CADM2: variants seen among roughly 807,000 people sequenced by gnomAD.
The protein encoded by CADM2 is cell adhesion molecule 2, also known as immunoglobulin superfamily member 4D.
In CADM2, 12 loss-of-function variants were observed where a neutral mutation model predicts 49.8. The ratio of observed to expected loss-of-function variants is 0.24; its 90% CI spans 0.15 to 0.39. The LOEUF (loss-of-function observed/expected upper bound fraction) is 0.39. CADM2 is among the 10% of genes least tolerant of loss of function. The pLI is 1.00. For synonymous variants in CADM2, 214 were observed against 175.4 expected (o/e 1.22, Z -1.74); for missense variants, 378 against 492.3 (o/e 0.77, Z 2.20).
rs549274620 is a variant in CADM2, at chr3:85,661,030, G to C, written c.62-65492G>C. Among the ~76,000 whole-genome samples the C allele has an allele frequency of 8.8e-4, 134 of 152,164 alleles. 2 individuals carry two copies. The highest frequency in any genetic ancestry group is 1.9e-3 in the South Asian group (9 of 4,822). On this transcript the variant is annotated intron_variant, in intron 1 of 9. Coordinates refer to ENST00000383699, the MANE Select transcript of CADM2 (RefSeq NM_001167675.2). ...GGTTAAATGAGATTTTAAGAATTCA[G>C]CTTTTTGGAGGAAGGCATTGAATTG...
intron 1 of CADM2, among the ~76,000 whole-genome samples, chr3:85,561,585 G>T (rs1455938041): frequency 6.6e-6 from 1 of 152,050 alleles, no homozygotes; most frequent in East Asian, 1.9e-4. Flanking sequence ...ATCTTCCATG[G>T]TAATAGGACA....
chr3:85,754,805 A>T (rs2069030680), intron 2 of CADM2, among the ~76,000 whole-genome samples: 1 of 152,210 alleles, frequency 6.6e-6, no homozygotes, highest in Non-Finnish European at 1.5e-5. Context: ...AAAGAAACTA[A>T]CATTTTAACA....
intron 2 of CADM2, among the ~76,000 whole-genome samples, chr3:85,769,577 A>T (rs932870439): frequency 8.2e-6 from 1 of 122,060 alleles, no homozygotes; most frequent in Non-Finnish European, 1.6e-5. Flanking sequence ...GTATATACAT[A>T]TATACATATA....
chr3:85,324,429 T>C (rs2044695239), intron 1 of CADM2, among the ~76,000 whole-genome samples: 1 of 152,150 alleles, frequency 6.6e-6, no homozygotes, highest in Non-Finnish European at 1.5e-5. Context: ...TATACTCCTA[T>C]TGAATTTTAA....
chr3:85,136,378 C>A (rs1188945087), intron 1 of CADM2, among the ~76,000 whole-genome samples: 1 of 151,348 alleles, frequency 6.6e-6, no homozygotes, highest in Non-Finnish European at 1.5e-5. Flanking sequence ...TTCTCTCTAT[C>A]CATTCCACCT....
intron 1 of CADM2, among the ~76,000 whole-genome samples, chr3:85,433,201 A>G (rs1051490423): frequency 6.6e-6 from 1 of 152,122 alleles, no homozygotes; most frequent in Non-Finnish European, 1.5e-5. Context: ...AGAATATGAC[A>G]TTAAAATAAC....
At chr3:85,385,489 G>A (rs1375409431) in intron 1 of CADM2, among the ~76,000 whole-genome samples, 1 of 151,844 alleles carries the variant, frequency 6.6e-6, no homozygotes, top group Non-Finnish European at 1.5e-5. Context: ...GATATGTTTT[G>A]GTAAATAACT....
chr3:85,311,241 A>T (rs1354469304), intron 1 of CADM2, among the ~76,000 whole-genome samples: 4 of 152,096 alleles, frequency 2.6e-5, no homozygotes, highest in Non-Finnish European at 5.9e-5. Flanking sequence ...CATTAGCTAG[A>T]TCTTAATTTA....
At chr3:86,044,653 C>T (rs1295186626) in intron 8 of CADM2, among the ~76,000 whole-genome samples, 6 of 152,108 alleles carry the variant, frequency 3.9e-5, no homozygotes, top group East Asian at 1.9e-4. Context: ...GTCAGAGTGG[C>T]GATTCCTCAA....
intron 5 of CADM2, 42 bp from the exon 6 acceptor site, chr3:85,912,331 T>C: frequency 6.8e-7 from 1 of 1,475,568 alleles, no homozygotes; most frequent in Non-Finnish European, 9.3e-7. Context: ...TCTGTTTTAT[T>C]TTGAAAGGTG....
intron 1 of CADM2, among the ~76,000 whole-genome samples, chr3:85,003,534 G>T (rs968263860): frequency 2.6e-5 from 4 of 152,078 alleles, no homozygotes; most frequent in African/African-American, 9.7e-5. Context: ...GCAGTCTTTT[G>T]TTGCAATCTG....
chr3:85,482,064 A>G (rs2039235763), intron 1 of CADM2, among the ~76,000 whole-genome samples: 1 of 151,770 alleles, frequency 6.6e-6, no homozygotes. Flanking sequence ...TTATAATAAT[A>G]CATATTAAGA....
chr3:85,304,335 A>G (rs188969507), intron 1 of CADM2, among the ~76,000 whole-genome samples: 1 of 151,950 alleles, frequency 6.6e-6, no homozygotes, highest in Non-Finnish European at 1.5e-5. Flanking sequence ...TCATAACTAC[A>G]CAGAAATCCT....
At chr3:85,951,179 A>T (rs1723382152) in intron 7 of CADM2, among the ~76,000 whole-genome samples, 1 of 151,124 alleles carries the variant, frequency 6.6e-6, no homozygotes, top group South Asian at 2.1e-4. Context: ...GTGAGGATGG[A>T]ATAAGAAACT....
rs147221952 is a variant in CADM2, at chr3:86,044,213, G to T, written c.971-21392G>T. 3.0e-3 allele frequency among the ~76,000 whole-genome samples: 458 copies of T among 152,240 alleles called. 3 individuals are homozygous for T. The highest frequency in any genetic ancestry group is 9.9e-3 in the African/African-American group (411 of 41,548). ...AACACAAGCCAAAATTGACAAATGG[G>T]ATCTAATTAAACTAAAGAGCTTCTG... is the stretch of plus-strand genomic sequence containing the variant. On this transcript the variant is annotated intron_variant, in intron 8 of 9. Transcript: ENST00000383699.
chr3:85,378,924 A>G (rs901466722), intron 1 of CADM2, among the ~76,000 whole-genome samples: 3 of 152,024 alleles, frequency 2.0e-5, no homozygotes, highest in African/African-American at 7.2e-5. Flanking sequence ...AAAAACCCAA[A>G]TAAACTCAGT....
At chr3:85,070,039 G>T (rs372513143) in intron 1 of CADM2, among the ~76,000 whole-genome samples, 2 of 151,864 alleles carry the variant, frequency 1.3e-5, no homozygotes, top group East Asian at 1.9e-4. Context: ...CAACTTCTTC[G>T]AATTTTTTGT....
chr3:85,366,337 T>A (rs79049664), intron 1 of CADM2, among the ~76,000 whole-genome samples: 2,665 of 152,276 alleles, frequency 0.018, 73 homozygotes, highest in African/African-American at 0.059. Flanking sequence ...ATTACACACC[T>A]GCGGAGATTT....
intron 1 of CADM2, among the ~76,000 whole-genome samples, chr3:85,726,272 G>A (rs1270161367): frequency 1.3e-5 from 2 of 151,894 alleles, no homozygotes; most frequent in African/African-American, 2.4e-5. Flanking sequence ...AAGGAATATG[G>A]TGACTTGTAG....
Sources: allele counts gnomAD v4.1 joint callset (sites outside exome capture counted in the v4.1 genomes callset), GRCh38; gene constraint gnomAD v4.1.1; transcripts MANE v1.5; gene names NCBI Gene and HGNC (gene_info 2026-07-23, HGNC 2026-07-21).